CPEB3: variants seen among roughly 807,000 people sequenced by gnomAD.
CPEB3 encodes cytoplasmic polyadenylation element binding protein 3.
In CPEB3, 20 loss-of-function variants were observed where a neutral mutation model predicts 67.2. The ratio of observed to expected loss-of-function variants is 0.30; its 90% CI spans 0.21 to 0.43. The LOEUF is 0.43. Ranked by LOEUF, CPEB3 falls within the 20% of genes least tolerant of loss-of-function variation. The pLI is 1.00. For missense variants in CPEB3, 746 were observed against 968.6 expected, an observed-to-expected ratio of 0.77 and a Z score of 3.05; for synonymous variants, 376 against 393.1, an observed-to-expected ratio of 0.96 and a Z score of 0.51.
At chr10:92,191,087 G>A (rs1848957216) in intron 3 of CPEB3, among the ~76,000 whole-genome samples, 1 of 152,034 alleles carries the variant, frequency 6.6e-6, no homozygotes. Flanking sequence ...ACTTTTTAAA[G>A]TCAAAAACTT....
At chr10:92,194,306 G>T (rs1159387621) in intron 2 of CPEB3, among the ~76,000 whole-genome samples, 2 of 151,804 alleles carry the variant, frequency 1.3e-5, no homozygotes, top group African/African-American at 4.8e-5. Context: ...TGGGCATGCT[G>T]GTGCGTGCCT....
At chr10:92,134,534 A>C (rs540275184) in intron 6 of CPEB3, among the ~76,000 whole-genome samples, 2 of 152,122 alleles carry the variant, frequency 1.3e-5, no homozygotes, top group East Asian at 3.9e-4. Context: ...AAATGGAAGA[A>C]CATTCCATAC....
intron 6 of CPEB3, among the ~76,000 whole-genome samples, chr10:92,126,357 C>T (rs1449438531): frequency 6.6e-6 from 1 of 152,132 alleles, no homozygotes; most frequent in African/African-American, 2.4e-5. Flanking sequence ...AGAACTTATC[C>T]TTGCAGTCAA....
intron 9 of CPEB3, among the ~76,000 whole-genome samples, chr10:92,057,568 C>T (rs756387207): frequency 1.3e-4 from 20 of 152,252 alleles, no homozygotes; most frequent in Non-Finnish European, 1.5e-4. Flanking sequence ...GGCTTTGCCA[C>T]CTGCTGATAG....
chr10:92,251,556 C>A (rs557705986), intron 1 of CPEB3, among the ~76,000 whole-genome samples: 27 of 152,090 alleles, frequency 1.8e-4, no homozygotes, highest in African/African-American at 6.0e-4. Context: ...AATGAAAAGA[C>A]GAAGCAGTAA....
At chr10:92,145,484 C>T (rs1284795223) in intron 4 of CPEB3, among the ~76,000 whole-genome samples, 4 of 152,072 alleles carry the variant, frequency 2.6e-5, no homozygotes, top group Admixed American at 2.6e-4. Flanking sequence ...CAAAAATTAG[C>T]CGGACATGGT....
chr10:92,233,883 G>A (rs1479472007), intron 2 of CPEB3, among the ~76,000 whole-genome samples: 2 of 151,992 alleles, frequency 1.3e-5, no homozygotes, highest in Non-Finnish European at 2.9e-5. Flanking sequence ...GCAGATGCGG[G>A]CAGATCCAAA....
At chr10:92,131,720 C>A (rs1489480999) in intron 6 of CPEB3, among the ~76,000 whole-genome samples, 1 of 152,104 alleles carries the variant, frequency 6.6e-6, no homozygotes, top group African/African-American at 2.4e-5. Flanking sequence ...CCCTTGTCAC[C>A]GGATGTCTCA....
chr10:92,199,889 A>AAC (rs943984388), intron 2 of CPEB3, among the ~76,000 whole-genome samples: 9 of 96,204 alleles, frequency 9.4e-5, no homozygotes, highest in African/African-American at 2.6e-4. Context: ...TTTTTCTCCA[A>AAC]ACACACAGAG....
At chr10:92,068,427 C>G (rs1423540270) in intron 9 of CPEB3, among the ~76,000 whole-genome samples, 1 of 152,182 alleles carries the variant, frequency 6.6e-6, no homozygotes, top group Non-Finnish European at 1.5e-5. Context: ...ATAACACAAC[C>G]TCACGGGCCT....
Position 92,049,743 on chromosome 10 carries a change from A to T in CPEB3, c.*2469T>A, listed in dbSNP as rs879037200. ...GTACAATCTTCCAGCTTTTAAAAAA[A>T]TCTCAGTGTTATTTTAATACATGAA... On this transcript the variant is annotated 3_prime_UTR_variant, in exon 10 of 10. Coordinates refer to ENST00000265997, the MANE Select transcript of CPEB3 (RefSeq NM_014912.5). 1 of 152,620 alleles carries T rather than the reference A, an allele frequency of 6.6e-6. No individual in the cohort carries two copies. Among genetic ancestry groups the T allele is most frequent in the South Asian group, 2.1e-4 (1 of 4,828 alleles). 9.5% of individuals were successfully genotyped at this position (152,620 alleles called of 1,614,324 possible). A position where few individuals can be genotyped will look rare whatever the true frequency, so the allele number is the denominator to read the frequency against.
intron 9 of CPEB3, among the ~76,000 whole-genome samples, chr10:92,077,959 C>G (rs1843000031): frequency 6.6e-6 from 1 of 152,084 alleles, no homozygotes; most frequent in Non-Finnish European, 1.5e-5. Flanking sequence ...TCAGATGACT[C>G]TCACCCCAGG....
chr10:92,106,845 GAAAGAAA>G (rs1308412772), intron 7 of CPEB3, among the ~76,000 whole-genome samples: 7 of 116,144 alleles, frequency 6.0e-5, no homozygotes, highest in South Asian at 2.8e-4. Context: ...AAAAAAGAAA[GAAAGAAA>G]AAAGAAAAAA....
intron 7 of CPEB3, among the ~76,000 whole-genome samples, chr10:92,106,771 C>T (rs1163327341): frequency 2.4e-5 from 3 of 123,872 alleles, no homozygotes; most frequent in African/African-American, 6.2e-5. Context: ...GCTGAGATCG[C>T]ACCACTGCAC....
At chr10:92,104,882 G>A (rs1844366953) in intron 7 of CPEB3, among the ~76,000 whole-genome samples, 1 of 152,058 alleles carries the variant, frequency 6.6e-6, no homozygotes, top group South Asian at 2.1e-4. Context: ...GATGGAAGGT[G>A]TCCGAACCAT....
In CPEB3 at chr10:92,206,926, T is replaced by C. The variant is rs138164743; in HGVS notation, c.1006-14290A>G. Among the ~76,000 whole-genome samples the C allele has an allele frequency of 1.7e-4, 26 of 152,302 alleles. No homozygotes were observed. In the East Asian group the frequency reaches 5.0e-3, roughly 29 times the overall value. On this transcript the variant is annotated intron_variant, in intron 2 of 9. Coordinates refer to ENST00000265997, the MANE Select transcript of CPEB3 (RefSeq NM_014912.5). ...GAATTATTCATGTTTTTGCTTTCCTTTGTTATTGTGGAATTCAGCTTAATG... is the reference window on the plus strand; with the variant it reads ...GAATTATTCATGTTTTTGCTTTCCTCTGTTATTGTGGAATTCAGCTTAATG...
chr10:92,068,773 T>C (rs1842649138), intron 9 of CPEB3, among the ~76,000 whole-genome samples: 1 of 152,220 alleles, frequency 6.6e-6, no homozygotes, highest in South Asian at 2.1e-4. Context: ...CAAAAGGTTC[T>C]ATTCCATTCA....
chr10:92,067,287 G>C (rs933491894), intron 9 of CPEB3, among the ~76,000 whole-genome samples: 6 of 151,844 alleles, frequency 4.0e-5, no homozygotes, highest in African/African-American at 9.6e-5. Context: ...GATCACCTGA[G>C]GTCAGGAGTT....
intron 6 of CPEB3, among the ~76,000 whole-genome samples, chr10:92,132,573 TAA>T (rs1241349857): frequency 1.3e-5 from 2 of 151,920 alleles, no homozygotes; most frequent in Non-Finnish European, 2.9e-5. Context: ...AAAAAAACAT[TAA>T]AGAGGGTCAA....
Sources: allele counts gnomAD v4.1 joint callset (sites outside exome capture counted in the v4.1 genomes callset), GRCh38; gene constraint gnomAD v4.1.1; transcripts MANE v1.5; gene names NCBI Gene and HGNC (gene_info 2026-07-23, HGNC 2026-07-21).